The following DNAH8 variants were observed in gnomAD, a reference collection of about 807,000 sequenced individuals.
DNAH8 encodes axonemal beta dynein heavy chain 8.
A neutral mutation model predicts 562.1 loss-of-function variants in DNAH8; 382 were observed. That is an observed-to-expected ratio of 0.68 (90% CI 0.63 to 0.74). The LOEUF (loss-of-function observed/expected upper bound fraction) is 0.74, where lower values mean the gene tolerates loss of function less well. DNAH8 is among the 30% of genes least tolerant of loss of function. DNAH8 has a pLI of 0.00. For missense variants in DNAH8, 5,203 were observed against 5,620.4 expected (o/e 0.93, Z 2.37); for synonymous variants, 1,881 against 1,919.4 (o/e 0.98, Z 0.52).
chr6:38,929,126 C>A lies in DNAH8; in HGVS notation c.11119-385C>A, dbSNP rs1782337579. Among the ~76,000 whole-genome samples, 4 of 152,064 alleles carry A rather than the reference C, an allele frequency of 2.6e-5. No homozygotes were observed. In the South Asian group the frequency reaches 8.3e-4, roughly 32 times the overall value. On this transcript the variant is annotated intron_variant, in intron 74 of 92. Coordinates refer to ENST00000327475, the MANE Select transcript of DNAH8 (RefSeq NM_001206927.2). ...ATCACTTACTCATCTTGTAGGGGTC[C>A]TGAGAAAATAAATGAATATCCAGAT... is the stretch of plus-strand genomic sequence containing the variant.
intron 91 of DNAH8, among the ~76,000 whole-genome samples, chr6:39,016,576 C>G (rs1452919072): frequency 6.6e-6 from 1 of 151,756 alleles, no homozygotes; most frequent in African/African-American, 2.4e-5. Flanking sequence ...GAAAAAAGCC[C>G]TACATATTTA....
chr6:38,838,656 C>G (rs1486098962), intron 33 of DNAH8, among the ~76,000 whole-genome samples: 3 of 147,034 alleles, frequency 2.0e-5, no homozygotes, highest in African/African-American at 5.0e-5. Flanking sequence ...GCCTCGGCCT[C>G]CCAAAGTGCT....
intron 75 of DNAH8, 136 bp downstream of exon 75, chr6:38,929,802 A>G (rs780657766): frequency 1.3e-6 from 1 of 764,770 alleles, no homozygotes; most frequent in African/African-American, 1.8e-5. Context: ...CAGCAAATGC[A>G]ATTTCCTTTA....
intron 23 of DNAH8, 80 bp from the exon 24 acceptor site, chr6:38,807,530 T>C (rs1166132608): frequency 2.7e-5 from 16 of 584,258 alleles, no homozygotes; most frequent in Non-Finnish European, 4.0e-5. Flanking sequence ...ATGCCACATC[T>C]AATATTCTGT....
In DNAH8 at chr6:38,949,528, A is replaced by G. The variant is rs1761712197; in HGVS notation, c.12206A>G (p.Tyr4069Cys). 6 of 1,612,840 alleles carry G rather than the reference A, an allele frequency of 3.7e-6. No homozygotes were observed. The highest frequency in any genetic ancestry group is 5.1e-6 in the Non-Finnish European group (6 of 1,178,856). Residue 4069 changes from tyrosine (Y) to cysteine (C), a missense_variant, in exon 81 of 93, where the codon TAT becomes TGT. Physicochemically the swap from Tyr to Cys is radical, Grantham distance 194 (BLOSUM62 -2). Transcript: ENST00000327475. ...GAGGAGGAAATTATCCCTGATGGATATAATGATTCACTAGATACCTGCCAT... is the reference window on the plus strand; with the variant it reads ...GAGGAGGAAATTATCCCTGATGGATGTAATGATTCACTAGATACCTGCCAT... ...APEEEIIPDG[Y>C]NDSLDTCHKL...
At chr6:38,920,825 G>A (rs902860795) in intron 70 of DNAH8, among the ~76,000 whole-genome samples, 4 of 152,102 alleles carry the variant, frequency 2.6e-5, no homozygotes, top group Admixed American at 6.6e-5. Flanking sequence ...GAGAAATTTC[G>A]GGGTAACTTT....
intron 82 of DNAH8, among the ~76,000 whole-genome samples, chr6:38,959,657 TGAAA>T (rs1762481261): frequency 6.6e-6 from 1 of 152,022 alleles, no homozygotes; most frequent in Admixed American, 6.6e-5. Context: ...GTTAATGACT[TGAAA>T]GAATTAATAT....
intron 11 of DNAH8, among the ~76,000 whole-genome samples, chr6:38,768,439 T>C (rs1767236740): frequency 6.6e-6 from 1 of 151,970 alleles, no homozygotes; most frequent in Non-Finnish European, 1.5e-5. Context: ...GGGTAATTTT[T>C]TTATTTTTGT....
chr6:38,884,081 T>A, intron 56 of DNAH8, 83 bp downstream of exon 56: 1 of 970,160 alleles, frequency 1.0e-6, no homozygotes, highest in Non-Finnish European at 1.3e-6. Context: ...TGTTAATAAC[T>A]TTGTTAAAAA....
At chr6:38,787,716 A>AG (rs2127650980) in intron 18 of DNAH8, among the ~76,000 whole-genome samples, 1 of 151,854 alleles carries the variant, frequency 6.6e-6, no homozygotes, top group Non-Finnish European at 1.5e-5. Context: ...AAAAAAAAAA[A>AG]AAGTGCCATC....
intron 10 of DNAH8, among the ~76,000 whole-genome samples, chr6:38,756,719 G>T (rs1300160585): frequency 7.0e-6 from 1 of 143,132 alleles, no homozygotes; most frequent in Non-Finnish European, 1.5e-5. Context: ...CCCTTCCTGT[G>T]TCCGTGTGTT....
chr6:38,788,314 G>A (rs1018058579), intron 18 of DNAH8, among the ~76,000 whole-genome samples: 1 of 152,084 alleles, frequency 6.6e-6, no homozygotes, highest in Non-Finnish European at 1.5e-5. Flanking sequence ...ACCATGCCCA[G>A]CTAATTTTTG....
chr6:38,743,883 A>G (rs1764718065), intron 8 of DNAH8, among the ~76,000 whole-genome samples: 2 of 152,124 alleles, frequency 1.3e-5, no homozygotes, highest in Non-Finnish European at 2.9e-5. Context: ...TGTCTTGGTT[A>G]TTATACCTGG....
intron 74 of DNAH8, among the ~76,000 whole-genome samples, chr6:38,927,589 G>A (rs963909977): frequency 6.6e-6 from 1 of 152,132 alleles, no homozygotes; most frequent in Non-Finnish European, 1.5e-5. Context: ...TCTGTTCTTA[G>A]TTTCTGCAGC....
chr6:38,808,841 C>T (rs1583061185), intron 24 of DNAH8, among the ~76,000 whole-genome samples: 1 of 152,104 alleles, frequency 6.6e-6, no homozygotes, highest in African/African-American at 2.4e-5. Context: ...AACACAAGAG[C>T]AGAAAACCAA....
chr6:38,965,065 A>AAAAATAAAATAAAAT (rs140369493), intron 82 of DNAH8, among the ~76,000 whole-genome samples: 2 of 144,562 alleles, frequency 1.4e-5, no homozygotes, highest in African/African-American at 5.2e-5. Flanking sequence ...TTCTGTCTCA[A>AAAAATAAAATAAAAT]AAAATAAAAT....
intron 41 of DNAH8, 87 bp from the exon 42 acceptor site, chr6:38,857,431 A>G (rs768650892): frequency 5.2e-5 from 43 of 824,582 alleles, no homozygotes; most frequent in Admixed American, 7.5e-5. Context: ...TTTTTAGTTT[A>G]AAATGTGAAT....
chr6:38,952,731 C>T (rs914470961), intron 82 of DNAH8, among the ~76,000 whole-genome samples: 1 of 152,150 alleles, frequency 6.6e-6, no homozygotes, highest in Admixed American at 6.5e-5. Flanking sequence ...CCACACTGTT[C>T]TATATTCTCA....
chr6:38,995,651 A>T (rs1011184725), intron 88 of DNAH8, among the ~76,000 whole-genome samples: 1 of 152,242 alleles, frequency 6.6e-6, no homozygotes, highest in Non-Finnish European at 1.5e-5. Context: ...CATGCAAACT[A>T]GTCTTTAATC....
Sources: allele counts gnomAD v4.1 joint callset (sites outside exome capture counted in the v4.1 genomes callset), GRCh38; gene constraint gnomAD v4.1.1; transcripts MANE v1.5; gene names NCBI Gene and HGNC (gene_info 2026-07-23, HGNC 2026-07-21).